Variants in SCUBE1 observed in about 807,000 individuals in gnomAD.
SCUBE1 encodes the protein signal peptide, CUB domain and EGF like domain containing 1, also known as signal peptide, CUB and EGF-like domain-containing protein 1.
SCUBE1 carries 59 observed loss-of-function variants against 124.4 expected under a neutral mutation model. That is an observed-to-expected ratio of 0.47 (90% confidence interval 0.38 to 0.59). SCUBE1 has a LOEUF of 0.59. Among genes scored for constraint, SCUBE1 ranks in the 20% least tolerant of loss-of-function variants. The pLI, the probability that SCUBE1 is intolerant of heterozygous loss-of-function variation, is 0.00. For synonymous variants in SCUBE1, 545 were observed against 550.9 expected, an observed-to-expected ratio of 0.99 and a Z score of 0.15; for missense variants, 1,150 against 1,371.2, an observed-to-expected ratio of 0.84 and a Z score of 2.55.
intron 2 of SCUBE1, among the ~76,000 whole-genome samples, chr22:43,329,922 G>C (rs890223914): frequency 2.6e-5 from 4 of 152,180 alleles, no homozygotes; most frequent in African/African-American, 9.6e-5. Context: ...TACAGCCACT[G>C]TAATAAGAAG....
At chr22:43,215,925 G>A (rs138681438) in intron 15 of SCUBE1, among the ~76,000 whole-genome samples, 4 of 149,666 alleles carry the variant, frequency 2.7e-5, no homozygotes, top group East Asian at 1.9e-4. Context: ...ACATGCACAC[G>A]TGTGGGAGAC....
chr22:43,335,930 GATGATGATGGTGATGAAGATGATA>G (rs1927062622), intron 2 of SCUBE1, among the ~76,000 whole-genome samples: 2 of 149,426 alleles, frequency 1.3e-5, no homozygotes, highest in African/African-American at 4.9e-5. Flanking sequence ...TGATGGTGGT[GATGATGATGGTGATGAAGATGATA>G]ATGATGATGG....
In SCUBE1 at chr22:43,198,356, G is replaced by A. The variant is rs986492595; in HGVS notation, c.*5641C>T. ...ATCGCAGCAGATGCTGGGAGGGCACGCAGGCCATGCCTGTGTTGTCTGGGC... is the reference window on the plus strand; with the variant it reads ...ATCGCAGCAGATGCTGGGAGGGCACACAGGCCATGCCTGTGTTGTCTGGGC... On this transcript the variant is annotated 3_prime_UTR_variant, in exon 22 of 22. Coordinates refer to ENST00000360835, the MANE Select transcript of SCUBE1 (RefSeq NM_173050.5). 8.3e-6 allele frequency: 3 copies of A among 360,776 alleles called. No homozygotes were observed. The highest frequency in any genetic ancestry group is 2.1e-5 in the South Asian group (1 of 48,514). The allele number at this position is 360,776 out of a possible 1,614,324, so 22.3% of individuals were successfully genotyped here.
chr22:43,277,493 T>G lies in SCUBE1; in HGVS notation c.484+13553A>C, dbSNP rs1019367033. On this transcript the variant is annotated intron_variant, in intron 4 of 21. Transcript: ENST00000360835. ...CAGGGGCTCCTTGTGTCACAGGGCA[T>G]CTGGGCTGCACAGCACCCCTGCCCC... Among the ~76,000 whole-genome samples the G allele has an allele frequency of 3.2e-4, 48 of 152,210 alleles. 1 individual carries two copies. The highest frequency in any genetic ancestry group is 3.1e-3 in the Admixed American group (47 of 15,292).
At position 43,234,615 on chromosome 22, in the gene SCUBE1, T is replaced by G. The variant is rs972797660; in HGVS notation, c.845-2740A>C. On this transcript the variant is annotated intron_variant, in intron 7 of 21. Transcript: ENST00000360835. The surrounding 1 kb of genome is among the most constrained non-coding windows in gnomAD (Gnocchi z 4.4). ...CCCCTCCTCACACTACCTCAGGATA[T>G]AGTGAAGGGGGTGCTGGGCTCATGG... Among the ~76,000 whole-genome samples, 1 of 152,172 alleles carries G rather than the reference T, an allele frequency of 6.6e-6. No individual in the cohort carries two copies. The highest frequency in any genetic ancestry group is 2.4e-5 in the African/African-American group (1 of 41,438).
intron 2 of SCUBE1, among the ~76,000 whole-genome samples, chr22:43,322,567 C>T (rs1291267055): frequency 6.6e-6 from 1 of 152,234 alleles, no homozygotes; most frequent in African/African-American, 2.4e-5. Context: ...TGCCCACTGG[C>T]CACTTATTTT....
In SCUBE1 at chr22:43,201,319, A is replaced by AAG. The variant is rs1213974574; in HGVS notation, c.*2677_*2678insCT. ...ACTCCATCTCAAAAAAAAAAAAAAA[A>AAG]AAAAAAAAGAAAACAAAAAAAGAAA... On this transcript the variant is annotated 3_prime_UTR_variant, in exon 22 of 22. Coordinates refer to ENST00000360835, the MANE Select transcript of SCUBE1 (RefSeq NM_173050.5). The AAG allele has an allele frequency of 6.7e-6, 1 of 149,054 alleles. No homozygotes were observed. The highest frequency in any genetic ancestry group is 1.5e-5 in the Non-Finnish European group (1 of 67,582). The allele number at this position is 149,054 out of a possible 1,614,324, so 9.2% of individuals were successfully genotyped here.
chr22:43,327,041 C>T (rs1340082144), intron 2 of SCUBE1, among the ~76,000 whole-genome samples: 1 of 152,186 alleles, frequency 6.6e-6, no homozygotes, highest in African/African-American at 2.4e-5. Context: ...GCTTGAGCCT[C>T]AGAAACGAGC....
rs749724545 is a variant in SCUBE1, at chr22:43,255,502, C to T, written c.727+2717G>A. 1.2e-5 allele frequency: 18 copies of T among 1,550,452 alleles called. No individual in the cohort carries two copies. Among genetic ancestry groups the T allele is most frequent in the African/African-American group, 6.8e-5 (5 of 73,040 alleles). ...AAAAGTGTTACCCATGAGTAGCCGC[C>T]GTTTCACCCGCTTGTCCACATCAGC... On this transcript the variant is annotated intron_variant, in intron 6 of 21. Transcript: ENST00000360835. The surrounding 1 kb of genome is among the most constrained non-coding windows in gnomAD (Gnocchi z 4.7).
At chr22:43,303,429 C>G (rs1383450825) in intron 3 of SCUBE1, among the ~76,000 whole-genome samples, 2 of 152,278 alleles carry the variant, frequency 1.3e-5, no homozygotes, top group Non-Finnish European at 2.9e-5. Context: ...TCAGCAGTCC[C>G]TCCCTGTCAG....
chr22:43,315,871 G>A, intron 3 of SCUBE1, among the ~76,000 whole-genome samples: 1 of 152,230 alleles, frequency 6.6e-6, no homozygotes, highest in East Asian at 1.9e-4. Flanking sequence ...TCTGCAGGCT[G>A]CTGGCGTCAG....
In SCUBE1 at chr22:43,207,814, C is replaced by G. The variant is rs568343361; in HGVS notation, c.2735-201G>C. 2.6e-5 allele frequency among the ~76,000 whole-genome samples: 4 copies of G among 152,320 alleles called. No homozygotes were observed. The East Asian group carries it at 7.7e-4, about 29-fold the overall frequency. ...CCTCCTCGGGGTTTCACTAAGAACC[C>G]CCTATTTAGCCCTCAAAACCCTGCT... On this transcript the variant is annotated intron_variant, in intron 20 of 21. Transcript: ENST00000360835.
rs1355086290 is a variant in SCUBE1 at position 43,208,091 on chromosome 22, C to T, written c.2715G>A (p.Val905=). 2 of 1,614,116 alleles carry T rather than the reference C, an allele frequency of 1.2e-6. No individual in the cohort carries two copies. Among genetic ancestry groups the T allele is most frequent in the East Asian group, 2.2e-5 (1 of 44,880 alleles). ...TCTTACCATCGTAGGTGACATAGGG[C>T]ACTTGGAAGCCTTTGCCGCTGTTGC... is the stretch of plus-strand genomic sequence containing the variant. ...NEGNSGKGFQ[V]PYVTYDEDYQ... Residue 905 remains valine (V), a synonymous_variant, in exon 20 of 22, where the codon GTG becomes GTA. Coordinates refer to ENST00000360835, the MANE Select transcript of SCUBE1 (RefSeq NM_173050.5).
At position 43,201,422 on chromosome 22, in the gene SCUBE1, A is replaced by T. The variant is rs1921009211; in HGVS notation, c.*2575T>A. ...ATTGCATGGTCGTCTTGGTTGGGTG[A>T]ACGGATACCCAGCTAGCTGGGAAAA... On this transcript the variant is annotated 3_prime_UTR_variant, in exon 22 of 22. Coordinates refer to ENST00000360835, the MANE Select transcript of SCUBE1 (RefSeq NM_173050.5). The T allele has an allele frequency of 6.6e-6, 1 of 152,112 alleles. No homozygotes were observed. The highest frequency in any genetic ancestry group is 1.5e-5 in the Non-Finnish European group (1 of 68,016). 9.4% of individuals were successfully genotyped at this position (152,112 alleles called of 1,614,324 possible).
At chr22:43,268,893 A>T (rs1443427459) in intron 4 of SCUBE1, among the ~76,000 whole-genome samples, 1 of 152,196 alleles carries the variant, frequency 6.6e-6, no homozygotes, top group Non-Finnish European at 1.5e-5. Flanking sequence ...GCAGGCCAGG[A>T]CAGTGGAGAG....
intron 6 of SCUBE1, among the ~76,000 whole-genome samples, chr22:43,249,767 G>T (rs184871929): frequency 3.5e-4 from 53 of 152,368 alleles, no homozygotes; most frequent in African/African-American, 1.2e-3. Context: ...CAGGACAGTG[G>T]GCCCTGAGTG....
chr22:43,321,118 T>G (rs1326644901), intron 2 of SCUBE1, among the ~76,000 whole-genome samples: 1 of 152,010 alleles, frequency 6.6e-6, no homozygotes, highest in Non-Finnish European at 1.5e-5. Flanking sequence ...GAACCGGAAG[T>G]GCAGCACTAA....
chr22:43,288,610 C>T (rs1031673359), intron 4 of SCUBE1, among the ~76,000 whole-genome samples: 2 of 152,262 alleles, frequency 1.3e-5, no homozygotes, highest in Non-Finnish European at 2.9e-5. Flanking sequence ...TCCCCACAAG[C>T]TTCCCACCTG....
intron 4 of SCUBE1, among the ~76,000 whole-genome samples, chr22:43,265,837 C>T (rs139032): frequency 0.44 from 67,285 of 152,160 alleles, 17,173 homozygotes; most frequent in Non-Finnish European, 0.59. Context: ...TGGTGGCTCA[C>T]GCCTGTAATC....
Sources: allele counts gnomAD v4.1 joint callset (sites outside exome capture counted in the v4.1 genomes callset), GRCh38; gene constraint gnomAD v4.1.1; non-coding constraint Gnocchi (gnomAD v3.1); transcripts MANE v1.5; gene names NCBI Gene and HGNC (gene_info 2026-07-23, HGNC 2026-07-21).